The following TRIM11 variants were observed in gnomAD, a reference collection of about 807,000 sequenced individuals.
TRIM11 encodes tripartite motif containing 11.
In TRIM11, 15 loss-of-function variants were observed where a neutral mutation model predicts 33.4. The observed-to-expected ratio is 0.45, with a 90% CI of 0.30 to 0.69. The LOEUF (loss-of-function observed/expected upper bound fraction) is 0.69. TRIM11 is among the 30% of genes least tolerant of loss of function. TRIM11 has a pLI of 0.08. For missense variants in TRIM11, 499 were observed against 667.6 expected (o/e 0.75, Z 2.78); for synonymous variants, 281 against 302.6 (o/e 0.93, Z 0.74).
At chr1:228,405,869 C>T (rs1209320742) in intron 1 of TRIM11, 2 of 370,480 alleles carry the variant, frequency 5.4e-6, no homozygotes, top group South Asian at 1.2e-4. Context: ...CCTCTCTTAG[C>T]CTCTATCTAT....
intron 1 of TRIM11, 118 bp from the exon 2 acceptor site, chr1:228,402,279 G>A (rs1447617468): frequency 1.4e-6 from 1 of 692,312 alleles, no homozygotes; most frequent in South Asian, 2.1e-5. Context: ...AAATCTGCCT[G>A]GTGAATCAGG....
chr1:228,405,797 G>C (rs1656385808), intron 1 of TRIM11: 4 of 231,072 alleles, frequency 1.7e-5, no homozygotes, highest in African/African-American at 9.0e-5. Context: ...CCAGCTCCTT[G>C]CTGGCCAGGG....
At chr1:228,398,945 G>GGAGGGC (rs2075008379) in intron 3 of TRIM11, among the ~76,000 whole-genome samples, 1 of 152,064 alleles carries the variant, frequency 6.6e-6, no homozygotes, top group Non-Finnish European at 1.5e-5. Context: ...CAGAACACGG[G>GGAGGGC]CCCTCCAGGG....
In TRIM11 at chr1:228,406,243, G is replaced by C. The variant is rs1482972486; in HGVS notation, c.319C>G (p.Leu107Val). 2 of 1,496,212 alleles carry C rather than the reference G, an allele frequency of 1.3e-6. No homozygotes were observed. The highest frequency in any genetic ancestry group is 1.8e-6 in the Non-Finnish European group (2 of 1,130,462). 92.7% of individuals were successfully genotyped at this position (1,496,212 alleles called of 1,614,324 possible). A position where few individuals can be genotyped will look rare whatever the true frequency, so the allele number is the denominator to read the frequency against. The change falls in exon 1 of 6, where the codon CTG becomes GTG. Residue 107 changes from leucine to valine, a missense_variant. Transcript: ENST00000284551. This position sits in a 1 kb window ranked among gnomAD's most constrained non-coding sequence, Gnocchi z 8.2. ...TCGCAGGCCGCACACAGGAGGCGCA[G>C]CTCGTCGCCACAGAAGGCGGCCAGT... ...EPLAAFCGDE[L>V]RLLCAACERS...
rs1483672165 is a variant in TRIM11, at chr1:228,400,662, C to G, written c.735+302G>C. On this transcript the variant is annotated intron_variant, in intron 3 of 5. Coordinates refer to ENST00000284551, the MANE Select transcript of TRIM11 (RefSeq NM_145214.3). The surrounding 1 kb of genome is among the most constrained non-coding windows in gnomAD (Gnocchi z 4.5). ...ACTCTGCTGTGCCCACAGGGAGCAG[C>G]AGTGTCAGTCAGGACGAGATGGAGT... 6.6e-6 allele frequency among the ~76,000 whole-genome samples: 1 copy of G among 152,204 alleles called. No individual in the cohort carries two copies. The highest frequency in any genetic ancestry group is 2.4e-5 in the African/African-American group (1 of 41,440).
At chr1:228,402,246 T>G in intron 1 of TRIM11, 85 bp from the exon 2 acceptor site, 1 of 968,638 alleles carries the variant, frequency 1.0e-6, no homozygotes, top group South Asian at 1.7e-5. Flanking sequence ...TGTCCCCTCC[T>G]CAAAGACAAT....
In TRIM11 at chr1:228,401,607, G is replaced by A. The variant is rs1017953619; in HGVS notation, c.505-413C>T. Among the ~76,000 whole-genome samples the A allele has an allele frequency of 3.3e-5, 5 of 151,750 alleles. No homozygotes were observed. Among genetic ancestry groups the A allele is most frequent in the East Asian group, 1.9e-4 (1 of 5,144 alleles). On this transcript the variant is annotated intron_variant, in intron 2 of 5. Coordinates refer to ENST00000284551, the MANE Select transcript of TRIM11 (RefSeq NM_145214.3). This position sits in a 1 kb window ranked among gnomAD's most constrained non-coding sequence, Gnocchi z 6.1. ...GCTGGACTACAAATCTACCACCCAGGGTCCCTCCTGACCTCCAAATTCTCC... is the reference window on the plus strand; with the variant it reads ...GCTGGACTACAAATCTACCACCCAGAGTCCCTCCTGACCTCCAAATTCTCC...
In TRIM11 at chr1:228,401,268, C is replaced by T; in HGVS notation, c.505-74G>A. ...CCAGACCCCAAGTTTGGTCAGACCC[C>T]AAGCCCACCCAGAGGCCTGGCTGCA... On this transcript the variant is annotated intron_variant, in intron 2 of 5. Coordinates refer to ENST00000284551, the MANE Select transcript of TRIM11 (RefSeq NM_145214.3). The surrounding 1 kb of genome is among the most constrained non-coding windows in gnomAD (Gnocchi z 6.1). 6.6e-7 allele frequency: 1 copy of T among 1,525,562 alleles called. No homozygotes were observed. Among genetic ancestry groups the T allele is most frequent in the Non-Finnish European group, 8.8e-7 (1 of 1,131,600 alleles). The allele number at this position is 1,525,562 out of a possible 1,614,324, so 94.5% of individuals were successfully genotyped here. A position where few individuals can be genotyped will look rare whatever the true frequency, so the allele number is the denominator to read the frequency against.
rs138048553 is a variant in TRIM11 at position 228,394,816 on chromosome 1, G to A, written c.1296C>T (p.Ile432=). ...GGGGCCGCAGCGTCCCCGAGAAGGG[G>A]ATCTCGGGAAAGATGAATAGCAGTG... ...DGSLLFIFPE[I]PFSGTLRPLF... is the part of the protein sequence containing the mutation. Residue 432 remains isoleucine, a synonymous_variant, in exon 6 of 6, where the codon ATC becomes ATT. Transcript: ENST00000284551. The surrounding 1 kb of genome is among the most constrained non-coding windows in gnomAD (Gnocchi z 6.2). 4 of 1,614,048 alleles carry A rather than the reference G, an allele frequency of 2.5e-6. No homozygotes were observed. The Admixed American group carries it at 5.0e-5, about 20-fold the overall frequency.
At position 228,406,393 on chromosome 1, in the gene TRIM11, G is replaced by A; in HGVS notation, c.169C>T (p.Arg57Cys). Reference protein sequence around the residue: ...PEGPYACPECRELSPQRNLRP... With the variant: ...PEGPYACPECCELSPQRNLRP... ...AGGTTCCTCTGCGGGGACAGCTCGCGGCACTCGGGGCACGCGTACGGGCCC... is the reference window on the plus strand; with the variant it reads ...AGGTTCCTCTGCGGGGACAGCTCGCAGCACTCGGGGCACGCGTACGGGCCC... The change falls in exon 1 of 6, where the codon CGC (arginine) becomes TGC (cysteine). Residue 57 changes from arginine to cysteine, a missense_variant. Arg to Cys is a radical substitution (Grantham distance 180). Coordinates refer to ENST00000284551, the MANE Select transcript of TRIM11 (RefSeq NM_145214.3). The surrounding 1 kb of genome is among the most constrained non-coding windows in gnomAD (Gnocchi z 8.2). The A allele has an allele frequency of 6.4e-7, 1 of 1,550,800 alleles. No homozygotes were observed. Among genetic ancestry groups the A allele is most frequent in the African/African-American group, 1.4e-5 (1 of 70,756 alleles).
At position 228,394,568 on chromosome 1, in the gene TRIM11, A is replaced by G; in HGVS notation, c.*137T>C. 2.0e-6 allele frequency: 2 copies of G among 982,260 alleles called. No individual in the cohort carries two copies. The highest frequency in any genetic ancestry group is 2.9e-6 in the Non-Finnish European group (2 of 686,608). 60.8% of individuals were successfully genotyped at this position (982,260 alleles called of 1,614,324 possible). On this transcript the variant is annotated 3_prime_UTR_variant, in exon 6 of 6. Coordinates refer to ENST00000284551, the MANE Select transcript of TRIM11 (RefSeq NM_145214.3). This position sits in a 1 kb window ranked among gnomAD's most constrained non-coding sequence, Gnocchi z 6.2. ...TGCTAGAATTGGGGTTCTCCCACGC[A>G]GGCTCAGAAAGGCACCAGGAGTTCC...
In TRIM11 at chr1:228,395,518, T is replaced by C. The variant is rs2074977263; in HGVS notation, c.860-266A>G. The stretch of plus-strand genomic sequence containing the variant: ...GATATCAAGAGGGAATCTTGGTTGC[T>C]TTTTTTTTTTTTTTTAAAGAGGCAG... On this transcript the variant is annotated intron_variant, in intron 5 of 5. Coordinates refer to ENST00000284551, the MANE Select transcript of TRIM11 (RefSeq NM_145214.3). This position sits in a 1 kb window ranked among gnomAD's most constrained non-coding sequence, Gnocchi z 4.8. 1.4e-5 allele frequency: 2 copies of C among 139,246 alleles called. No individual in the cohort carries two copies. Among genetic ancestry groups the C allele is most frequent in the South Asian group, 2.3e-4 (1 of 4,264 alleles). 8.6% of individuals were successfully genotyped at this position (139,246 alleles called of 1,614,324 possible). A position where few individuals can be genotyped will look rare whatever the true frequency, so the allele number is the denominator to read the frequency against.
chr1:228,406,136 A>AC lies in TRIM11; in HGVS notation c.408+17dup. The AC allele has an allele frequency of 7.7e-7, 1 of 1,297,322 alleles. No individual in the cohort carries two copies. Among genetic ancestry groups the AC allele is most frequent in the Non-Finnish European group, 9.7e-7 (1 of 1,027,420 alleles). The allele number at this position is 1,297,322 out of a possible 1,614,324, so 80.4% of individuals were successfully genotyped here. The stretch of plus-strand genomic sequence containing the variant: ...CGGCTCCCCGACGCCCCTGCACGCC[A>AC]CCCCCGCCCAGGAGCACCTTGAGGT... On this transcript the variant is annotated intron_variant, in intron 1 of 5. Coordinates refer to ENST00000284551, the MANE Select transcript of TRIM11 (RefSeq NM_145214.3). The surrounding 1 kb of genome is among the most constrained non-coding windows in gnomAD (Gnocchi z 8.2).
At position 228,395,251 on chromosome 1, in the gene TRIM11, C is replaced by A. The variant is rs2074973891; in HGVS notation, c.861G>T (p.Gly287=). 5.5e-6 allele frequency: 8 copies of A among 1,456,536 alleles called. No individual in the cohort carries two copies. Among genetic ancestry groups the A allele is most frequent in the African/African-American group, 2.8e-5 (2 of 70,828 alleles). The allele number at this position is 1,456,536 out of a possible 1,614,324, so 90.2% of individuals were successfully genotyped here. ...GLVETLRRFR[G]DVTLDPDTAN... Reference sequence around the variant, plus strand: ...CGGTGTCCGGGTCCAAGGTCACGTCCCCTGCAGAGAGAGGCCCAAGGTCAC... The same window carrying A: ...CGGTGTCCGGGTCCAAGGTCACGTCACCTGCAGAGAGAGGCCCAAGGTCAC... Residue 287 remains glycine, a splice_region_variant and synonymous_variant, in exon 6 of 6, where the codon GGG becomes GGT. Transcript: ENST00000284551. The surrounding 1 kb of genome is among the most constrained non-coding windows in gnomAD (Gnocchi z 4.8).
At position 228,394,754 on chromosome 1, in the gene TRIM11, G is replaced by A. The variant is rs200664919; in HGVS notation, c.1358C>T (p.Thr453Ile). The A allele has an allele frequency of 1.2e-6, 2 of 1,613,168 alleles. No individual in the cohort carries two copies. Among genetic ancestry groups the A allele is most frequent in the Non-Finnish European group, 1.7e-6 (2 of 1,179,394 alleles). ...GGACCCACCTTTCGGCCGGCAGATAGTCATCGGGGTCGGGCTGCTGGACAG... is the reference window on the plus strand; with the variant it reads ...GGACCCACCTTTCGGCCGGCAGATAATCATCGGGGTCGGGCTGCTGGACAG... ...SPLSSSPTPMTICRPKGGSGD... is the reference protein window; with the variant it reads ...SPLSSSPTPMIICRPKGGSGD... The change falls in exon 6 of 6, where the codon ACT becomes ATT. Residue 453 changes from threonine (T) to isoleucine (I), a missense_variant. Physicochemically the swap from Thr to Ile is moderately conservative, Grantham distance 89. Transcript: ENST00000284551. This position sits in a 1 kb window ranked among gnomAD's most constrained non-coding sequence, Gnocchi z 6.2.
Position 228,394,929 on chromosome 1 carries a change from C to G in TRIM11, c.1183G>C (p.Ala395Pro), listed in dbSNP as rs1475553734. The G allele has an allele frequency of 6.2e-7, 1 of 1,614,104 alleles. No individual in the cohort carries two copies. ...CGCCTGGGTGGGTCCCGGAGTGGAGCCAAGGCCCGTTCCGAGGAATTGTAA... is the reference window on the plus strand; with the variant it reads ...CGCCTGGGTGGGTCCCGGAGTGGAGGCAAGGCCCGTTCCGAGGAATTGTAA... ...SYYNSSERAL[A>P]PLRDPPRRVG... The change falls in exon 6 of 6, where the codon GCT (alanine) becomes CCT (proline). Residue 395 changes from alanine (A) to proline (P), a missense_variant. By Grantham distance (27) the Ala-to-Pro change is conservative (BLOSUM62 -1). Coordinates refer to ENST00000284551, the MANE Select transcript of TRIM11 (RefSeq NM_145214.3). The surrounding 1 kb of genome is among the most constrained non-coding windows in gnomAD (Gnocchi z 6.2).
At chr1:228,396,806 A>G (rs776540756) in intron 5 of TRIM11, 141 bp downstream of exon 5, 2 of 778,068 alleles carry the variant, frequency 2.6e-6, no homozygotes, top group Admixed American at 3.8e-5. Context: ...TGAGCAGAGG[A>G]CGTTTTCCCA....
At position 228,395,388 on chromosome 1, in the gene TRIM11, C is replaced by A; in HGVS notation, c.860-136G>T. On this transcript the variant is annotated intron_variant, in intron 5 of 5. Coordinates refer to ENST00000284551, the MANE Select transcript of TRIM11 (RefSeq NM_145214.3). The surrounding 1 kb of genome is among the most constrained non-coding windows in gnomAD (Gnocchi z 4.8). ...CTGCCCTGGGCCTGTAGCCTCACAA[C>A]CTCCTGGAGTAACTAACTGTCTCCA... The A allele has an allele frequency of 1.2e-6, 1 of 856,544 alleles. No individual in the cohort carries two copies. Among genetic ancestry groups the A allele is most frequent in the Non-Finnish European group, 1.6e-6 (1 of 628,408 alleles). The allele number at this position is 856,544 out of a possible 1,614,324, so 53.1% of individuals were successfully genotyped here. A position where few individuals can be genotyped will look rare whatever the true frequency, so the allele number is the denominator to read the frequency against.
Position 228,395,060 on chromosome 1 carries a change from C to T in TRIM11, c.1052G>A (p.Arg351His), listed in dbSNP as rs752779667. Reference sequence around the variant, plus strand: ...GCACACCCCCAGGGCCCAGCTGGTGCGGTCCCCAACCTCCACCTCCCAGTA... The same window carrying T: ...GCACACCCCCAGGGCCCAGCTGGTGTGGTCCCCAACCTCCACCTCCCAGTA... ...RHYWEVEVGDRTSWALGVCRE... is the reference protein window; with the variant it reads ...RHYWEVEVGDHTSWALGVCRE... Residue 351 changes from arginine to histidine, a missense_variant, in exon 6 of 6, where the codon CGC becomes CAC. Coordinates refer to ENST00000284551, the MANE Select transcript of TRIM11 (RefSeq NM_145214.3). This position sits in a 1 kb window ranked among gnomAD's most constrained non-coding sequence, Gnocchi z 4.8. The T allele has an allele frequency of 1.1e-5, 17 of 1,610,960 alleles. No individual in the cohort carries two copies. The highest frequency in any genetic ancestry group is 4.4e-5 in the South Asian group (4 of 90,742).
Sources: allele counts gnomAD v4.1 joint callset (sites outside exome capture counted in the v4.1 genomes callset), GRCh38; gene constraint gnomAD v4.1.1; non-coding constraint Gnocchi (gnomAD v3.1); transcripts MANE v1.5; gene names NCBI Gene and HGNC (gene_info 2026-07-23, HGNC 2026-07-21).